DOCK1: variants seen among roughly 807,000 people sequenced by gnomAD.
DOCK1 encodes the protein dedicator of cytokinesis protein 1.
Under a neutral mutation model 262.7 loss-of-function variants are expected in DOCK1, and 138 were observed. That is an observed-to-expected ratio of 0.53 (90% confidence interval 0.46 to 0.61). The LOEUF is 0.61. Among genes scored for constraint, DOCK1 ranks in the 20% least tolerant of loss-of-function variants. The probability of loss-of-function intolerance (pLI) is 0.00; values close to 1 mark genes in which losing one functional copy is unlikely to be tolerated. For synonymous variants in DOCK1, 866 were observed against 867.4 expected, an observed-to-expected ratio of 1.00 and a Z score of 0.03; for missense variants, 1,908 against 2,370.7, an observed-to-expected ratio of 0.80 and a Z score of 4.05.
At chr10:127,166,147 G>T (rs2133761404) in intron 27 of DOCK1, among the ~76,000 whole-genome samples, 1 of 152,278 alleles carries the variant, frequency 6.6e-6, no homozygotes, top group Admixed American at 6.5e-5. Flanking sequence ...CTCACTGCAA[G>T]CTCTGCCTCC....
intron 27 of DOCK1, among the ~76,000 whole-genome samples, chr10:127,187,719 GAAGAAAGAGAGAAAGAAAGA>G (rs978218091): frequency 7.3e-6 from 1 of 136,752 alleles, no homozygotes. Flanking sequence ...AAAACAAGGA[GAAGAAAGAGAGAAAGAAAGA>G]AAGAAAGAGA....
At chr10:126,962,982 T>C (rs893441491) in intron 1 of DOCK1, among the ~76,000 whole-genome samples, 3 of 152,218 alleles carry the variant, frequency 2.0e-5, no homozygotes, top group Non-Finnish European at 4.4e-5. Flanking sequence ...TGGAAAAGAC[T>C]GTCCTCTCCC....
At chr10:126,943,418 T>A (rs1400066333) in intron 1 of DOCK1, among the ~76,000 whole-genome samples, 1 of 152,202 alleles carries the variant, frequency 6.6e-6, no homozygotes, top group Non-Finnish European at 1.5e-5. Context: ...GGCAAGTTAA[T>A]CTCTGTGTGC....
At chr10:127,018,678 A>G in intron 12 of DOCK1, 32 bp from the exon 13 acceptor site, 1 of 1,613,938 alleles carries the variant, frequency 6.2e-7, no homozygotes, top group South Asian at 1.1e-5. Flanking sequence ...ATAGGATAAA[A>G]TGCGACTTAA....
At chr10:127,318,983 G>C (rs546351284) in intron 29 of DOCK1, among the ~76,000 whole-genome samples, 1 of 152,328 alleles carries the variant, frequency 6.6e-6, no homozygotes, top group East Asian at 1.9e-4. Context: ...GATGAAGCCA[G>C]CCTTGCCAAA....
At chr10:127,425,814 C>T in intron 46 of DOCK1, 60 bp from the exon 47 acceptor site, 2 of 1,597,926 alleles carry the variant, frequency 1.3e-6, no homozygotes, top group South Asian at 2.2e-5. Context: ...CCCAAGTGTG[C>T]ATTGCTCGTC....
intron 29 of DOCK1, among the ~76,000 whole-genome samples, chr10:127,277,258 T>A (rs2060776023): frequency 6.6e-6 from 1 of 152,204 alleles, no homozygotes; most frequent in South Asian, 2.1e-4. Context: ...TAATAAAAAA[T>A]TTTGATGAGG....
chr10:127,390,622 C>G (rs1231186656), intron 38 of DOCK1, among the ~76,000 whole-genome samples: 7 of 152,074 alleles, frequency 4.6e-5, no homozygotes, highest in Non-Finnish European at 7.4e-5. Flanking sequence ...CGAGAGAGGA[C>G]TCAGAGGAAA....
intron 21 of DOCK1, among the ~76,000 whole-genome samples, chr10:127,050,102 A>G (rs1197619345): frequency 6.7e-6 from 1 of 149,642 alleles, no homozygotes; most frequent in Non-Finnish European, 1.5e-5. Flanking sequence ...GGGCATTTGC[A>G]TTGTTTATGT....
At chr10:126,968,603 TG>T (rs745524446) in intron 1 of DOCK1, among the ~76,000 whole-genome samples, 63 of 152,358 alleles carry the variant, frequency 4.1e-4, no homozygotes, top group Non-Finnish European at 7.1e-4. Context: ...GGTGCTTGAA[TG>T]TATTTACCCT....
intron 27 of DOCK1, among the ~76,000 whole-genome samples, chr10:127,173,435 T>G (rs1243570195): frequency 6.6e-6 from 1 of 152,166 alleles, no homozygotes; most frequent in East Asian, 1.9e-4. Context: ...TCCATACTTG[T>G]TCTAAGAGGA....
At chr10:127,416,816 G>A (rs1003666151) in intron 44 of DOCK1, among the ~76,000 whole-genome samples, 6 of 152,190 alleles carry the variant, frequency 3.9e-5, no homozygotes, top group African/African-American at 9.7e-5. Context: ...ATGAAATGTC[G>A]TAGGGCCTGG....
At chr10:126,983,528 A>G (rs1287388961) in intron 4 of DOCK1, among the ~76,000 whole-genome samples, 3 of 151,922 alleles carry the variant, frequency 2.0e-5, no homozygotes, top group Non-Finnish European at 2.9e-5. Context: ...GATCGTTCTC[A>G]TATGGCCTCT....
intron 23 of DOCK1, among the ~76,000 whole-genome samples, chr10:127,064,308 C>T (rs953242921): frequency 1.3e-5 from 2 of 152,184 alleles, no homozygotes; most frequent in Admixed American, 6.5e-5. Flanking sequence ...AAGGCTCCAT[C>T]CCCTTCTTGG....
chr10:127,213,571 T>C (rs1589971160), intron 27 of DOCK1, among the ~76,000 whole-genome samples: 1 of 152,272 alleles, frequency 6.6e-6, no homozygotes, highest in Non-Finnish European at 1.5e-5. Context: ...TGTTTCCCTA[T>C]AGCAGTGCTT....
chr10:127,116,126 GT>G (rs779835134), intron 25 of DOCK1, among the ~76,000 whole-genome samples: 1 of 152,110 alleles, frequency 6.6e-6, no homozygotes, highest in Non-Finnish European at 1.5e-5. Flanking sequence ...TCTGTTTGTT[GT>G]TTTTCTGGTG....
At chr10:127,154,739 G>A (rs1455072652) in intron 27 of DOCK1, among the ~76,000 whole-genome samples, 1 of 152,110 alleles carries the variant, frequency 6.6e-6, no homozygotes, top group Non-Finnish European at 1.5e-5. Flanking sequence ...CCTTTGTAGG[G>A]GAGGTTGCTA....
intron 29 of DOCK1, among the ~76,000 whole-genome samples, chr10:127,277,750 G>A (rs1008468564): frequency 6.6e-6 from 1 of 152,072 alleles, no homozygotes; most frequent in Non-Finnish European, 1.5e-5. Flanking sequence ...GTGACAGAGC[G>A]AGACTCCATC....
intron 27 of DOCK1, among the ~76,000 whole-genome samples, chr10:127,166,599 G>C (rs1219361876): frequency 6.6e-6 from 1 of 152,184 alleles, no homozygotes; most frequent in Admixed American, 6.5e-5. Context: ...CAAATGGCTG[G>C]CACATTGTAG....
Sources: gnomAD v4.1 joint callset for allele counts (sites outside exome capture counted in the v4.1 genomes callset) on GRCh38, gnomAD v4.1.1 for gene constraint, MANE v1.5 for transcripts, NCBI Gene and HGNC (gene_info 2026-07-23, HGNC 2026-07-21) for gene names.